The following MT4 variants were observed in gnomAD, a reference collection of about 807,000 sequenced individuals.
MT4 encodes the protein metallothionein 4.
Under a neutral mutation model 9.5 loss-of-function variants are expected in MT4, and 11 were observed. That is an observed-to-expected ratio of 1.16 (90% CI 0.73 to 1.92). MT4 has a LOEUF of 1.92. Among genes scored for constraint, MT4 ranks in the 30% most tolerant of loss-of-function variants. The pLI, the probability that MT4 is intolerant of heterozygous loss-of-function variation, is 0.00. For synonymous variants in MT4, 29 were observed against 24.6 expected (o/e 1.18, Z -0.53); for missense variants, 88 against 78.7 (o/e 1.12, Z -0.45).
chr16:56,566,586 AAGAGAG>A (rs1190731831), intron 1 of MT4, among the ~76,000 whole-genome samples: 16 of 145,810 alleles, frequency 1.1e-4, no homozygotes, highest in African/African-American at 4.1e-4. Flanking sequence ...GGGAGAAAGG[AAGAGAG>A]AGAGAGAGAA....
chr16:56,568,544 G>A (rs1424478293), intron 2 of MT4, among the ~76,000 whole-genome samples: 5 of 152,126 alleles, frequency 3.3e-5, no homozygotes, highest in African/African-American at 1.2e-4. Flanking sequence ...AGTGGTAACA[G>A]GGATAGAGCA....
Position 56,567,748 on chromosome 16 carries a change from T to C in MT4, c.32-3T>C. 6.2e-7 allele frequency: 1 copy of C among 1,613,086 alleles called. No individual in the cohort carries two copies. The highest frequency in any genetic ancestry group is 8.5e-7 in the Non-Finnish European group (1 of 1,179,234). ...TTTGTGGTGGCTCTGTCCTGTCTTCTAGGAGGAATCTGCATGTGTGGAGAC... is the reference window on the plus strand; with the variant it reads ...TTTGTGGTGGCTCTGTCCTGTCTTCCAGGAGGAATCTGCATGTGTGGAGAC... On this transcript the variant is annotated splice_polypyrimidine_tract_variant and splice_region_variant and intron_variant, in intron 1 of 2. Transcript: ENST00000219162.
chr16:56,568,278 A>AG (rs1567330677), intron 2 of MT4, among the ~76,000 whole-genome samples: 1 of 122,624 alleles, frequency 8.2e-6, no homozygotes, highest in African/African-American at 3.6e-5. Context: ...AGAGAGAAAG[A>AG]AAGAAAGAAA....
chr16:56,566,839 GA>G (rs1280592072), intron 1 of MT4, among the ~76,000 whole-genome samples: 1 of 129,898 alleles, frequency 7.7e-6, no homozygotes, highest in African/African-American at 2.6e-5. Flanking sequence ...AAGAAAGAAA[GA>G]AAGAAAGAAA....
Position 56,567,737 on chromosome 16 carries a change from G to A in MT4, c.32-14G>A, listed in dbSNP as rs1959553765. The A allele has an allele frequency of 6.2e-7, 1 of 1,612,440 alleles. No individual in the cohort carries two copies. The highest frequency in any genetic ancestry group is 1.3e-5 in the African/African-American group (1 of 74,888). ...CCATCCTCACGTTTGTGGTGGCTCT[G>A]TCCTGTCTTCTAGGAGGAATCTGCA... is the stretch of plus-strand genomic sequence containing the variant. On this transcript the variant is annotated splice_polypyrimidine_tract_variant and intron_variant, in intron 1 of 2. Transcript: ENST00000219162.
chr16:56,568,267 G>GAAAGAAAGAA (rs1567330627), intron 2 of MT4, among the ~76,000 whole-genome samples: 7 of 68,582 alleles, frequency 1.0e-4, no homozygotes, highest in South Asian at 7.2e-4. Flanking sequence ...AAGAGAGAGA[G>GAAAGAAAGAA]AGAGAGAAAG....
At chr16:56,568,294 A>T (rs1204980603) in intron 2 of MT4, among the ~76,000 whole-genome samples, 1 of 145,452 alleles carries the variant, frequency 6.9e-6, no homozygotes, top group Admixed American at 6.8e-5. Flanking sequence ...AGAAAGAAAG[A>T]AAGAAAGAAA....
At chr16:56,565,801 C>T (rs1239629514) in intron 1 of MT4, among the ~76,000 whole-genome samples, 1 of 152,142 alleles carries the variant, frequency 6.6e-6, no homozygotes, top group African/African-American at 2.4e-5. Flanking sequence ...TGGTGTGGCT[C>T]ACAACTGTAG....
intron 2 of MT4, among the ~76,000 whole-genome samples, 166 bp from the exon 3 acceptor site, chr16:56,568,675 C>G (rs1445387927): frequency 6.6e-6 from 1 of 152,156 alleles, no homozygotes; most frequent in Non-Finnish European, 1.5e-5. Flanking sequence ...GGGATCCCTT[C>G]CAGTTCTAAC....
intron 1 of MT4, 131 bp downstream of exon 1, chr16:56,565,290 A>G: frequency 1.1e-6 from 1 of 944,086 alleles, no homozygotes; most frequent in Non-Finnish European, 1.5e-6. Context: ...CTGGGAGCCG[A>G]CAGGTGGACT....
chr16:56,566,749 G>GAAAGAAAGAAAGAAAGAAA (rs1567329870), intron 1 of MT4, among the ~76,000 whole-genome samples: 1 of 55,254 alleles, frequency 1.8e-5, no homozygotes, highest in African/African-American at 8.7e-5. Flanking sequence ...AAAGAAAGAA[G>GAAAGAAAGAAAGAAAGAAA]GAAGGAAGGA....
Position 56,565,101 on chromosome 16 carries a change from G to C in MT4, c.-28G>C. On this transcript the variant is annotated 5_prime_UTR_variant, in exon 1 of 3. Transcript: ENST00000219162. The stretch of plus-strand genomic sequence containing the variant: ...CAGCCTCCCTTCCCCAGCCGTGACA[G>C]CACTGGAGCCTTTCGGACACCTGGA... The C allele has an allele frequency of 2.5e-6, 4 of 1,612,910 alleles. No individual in the cohort carries two copies. The highest frequency in any genetic ancestry group is 1.3e-5 in the African/African-American group (1 of 75,010).
chr16:56,567,842 T>C (rs752756689), intron 2 of MT4, 26 bp downstream of exon 2: 4 of 1,600,522 alleles, frequency 2.5e-6, no homozygotes, highest in Middle Eastern at 1.7e-4. Context: ...GGGGGCACCA[T>C]GGGCTGGGAG....
At chr16:56,565,410 T>G (rs1245981718) in intron 1 of MT4, among the ~76,000 whole-genome samples, 2 of 152,200 alleles carry the variant, frequency 1.3e-5, no homozygotes, top group African/African-American at 4.8e-5. Context: ...ACTTTGGTCT[T>G]TCTAGCGTTG....
chr16:56,566,797 A>T (rs181180924), intron 1 of MT4, among the ~76,000 whole-genome samples: 5 of 44,652 alleles, frequency 1.1e-4, no homozygotes, highest in African/African-American at 2.9e-4. Flanking sequence ...AAAGAAAGAA[A>T]GAAAGAAAGA....
In MT4 at chr16:56,567,747, C is replaced by G; in HGVS notation, c.32-4C>G. 6.2e-7 allele frequency: 1 copy of G among 1,613,110 alleles called. No homozygotes were observed. The highest frequency in any genetic ancestry group is 8.5e-7 in the Non-Finnish European group (1 of 1,179,238). On this transcript the variant is annotated splice_polypyrimidine_tract_variant and splice_region_variant and intron_variant, in intron 1 of 2. Transcript: ENST00000219162. ...GTTTGTGGTGGCTCTGTCCTGTCTT[C>G]TAGGAGGAATCTGCATGTGTGGAGA... is the stretch of plus-strand genomic sequence containing the variant.
At chr16:56,568,253 AAGAAAGAGAGAGAGAGAG>A (rs1567330591) in intron 2 of MT4, among the ~76,000 whole-genome samples, 7 of 69,250 alleles carry the variant, frequency 1.0e-4, no homozygotes, top group South Asian at 6.2e-4. Context: ...GAAAGAAAGA[AAGAAAGAGAGAGAGAGAG>A]AGAAAGAAAG....
Position 56,565,141 on chromosome 16 carries a change from G to T in MT4, c.13G>T (p.Glu5Ter). The change falls in exon 1 of 3, where the codon GAA (glutamate) becomes TAA (stop). Residue 5 changes from glutamate to a stop codon, truncating the protein, a stop_gained. Transcript: ENST00000219162. LOFTEE classifies it high-confidence loss of function. ...GGACACCTGGACCATGGACCCCAGGGAATGTGTCTGCATGTCTGGTGAGTA... is the reference window on the plus strand; with the variant it reads ...GGACACCTGGACCATGGACCCCAGGTAATGTGTCTGCATGTCTGGTGAGTA... The part of the protein sequence containing the change: MDPR[E>*]CVCMSGGICM... The T allele has an allele frequency of 6.2e-7, 1 of 1,613,178 alleles. No homozygotes were observed. The highest frequency in any genetic ancestry group is 8.5e-7 in the Non-Finnish European group (1 of 1,179,604).
intron 2 of MT4, 65 bp downstream of exon 2, chr16:56,567,881 A>C: frequency 7.3e-7 from 1 of 1,378,572 alleles, no homozygotes; most frequent in Non-Finnish European, 1.0e-6. Flanking sequence ...GGCCAGGTGC[A>C]GTGGCTCACG....
Sources: allele counts gnomAD v4.1 joint callset (sites outside exome capture counted in the v4.1 genomes callset), GRCh38; gene constraint gnomAD v4.1.1; transcripts MANE v1.5; gene names NCBI Gene and HGNC (gene_info 2026-07-23, HGNC 2026-07-21).